RFTN1: variants seen among roughly 807,000 people sequenced by gnomAD.
RFTN1 encodes the protein raftlin.
RFTN1 carries 26 observed loss-of-function variants against 46.5 expected under a neutral mutation model. The observed-to-expected ratio is 0.56, with a 90% CI of 0.41 to 0.78. RFTN1 has a LOEUF of 0.78. RFTN1 is among the 30% of genes least tolerant of loss of function. The pLI, the probability that RFTN1 is intolerant of heterozygous loss-of-function variation, is 0.00. For synonymous variants in RFTN1, 261 were observed against 284.2 expected, an observed-to-expected ratio of 0.92 and a Z score of 0.82; for missense variants, 693 against 718.7, an observed-to-expected ratio of 0.96 and a Z score of 0.41.
At chr3:16,491,433 C>G (rs572079004) in intron 2 of RFTN1, among the ~76,000 whole-genome samples, 7 of 152,102 alleles carry the variant, frequency 4.6e-5, no homozygotes, top group African/African-American at 1.7e-4. Context: ...TGTAGGAGGA[C>G]GAGGGCAGGA....
chr3:16,488,339 T>C (rs531990125), intron 2 of RFTN1, among the ~76,000 whole-genome samples: 1 of 152,222 alleles, frequency 6.6e-6, no homozygotes, highest in Admixed American at 6.5e-5. Flanking sequence ...CCTCAGGTGA[T>C]CCCCCTGCCT....
rs1359030863 is a variant in RFTN1 at position 16,327,617 on chromosome 3, C to T, written c.1147-741G>A. ...TACTAAAAATACAAAAAAAATTAGC[C>T]AGGCCTGGTGGCGGGCGCCTGTAGT... On this transcript the variant is annotated intron_variant, in intron 7 of 9. Transcript: ENST00000334133. This position sits in a 1 kb window ranked among gnomAD's most constrained non-coding sequence, Gnocchi z 4.2. 1.3e-5 allele frequency among the ~76,000 whole-genome samples: 2 copies of T among 151,994 alleles called. No individual in the cohort carries two copies. Among genetic ancestry groups the T allele is most frequent in the Admixed American group, 6.6e-5 (1 of 15,262 alleles).
In RFTN1 at chr3:16,484,568, G is replaced by T. The variant is rs1347242536; in HGVS notation, c.145+9157C>A. On this transcript the variant is annotated intron_variant, in intron 2 of 9. Coordinates refer to ENST00000334133, the MANE Select transcript of RFTN1 (RefSeq NM_015150.2). The surrounding 1 kb of genome is among the most constrained non-coding windows in gnomAD (Gnocchi z 4.6). ...AATGCAGCAGTGTGGAATGATCCTCGAAATTGTAATGCGTGTCATGGGAAT... is the reference window on the plus strand; with the variant it reads ...AATGCAGCAGTGTGGAATGATCCTCTAAATTGTAATGCGTGTCATGGGAAT... 6.6e-6 allele frequency: 1 copy of T among 152,326 alleles called. No homozygotes were observed. Among genetic ancestry groups the T allele is most frequent in the East Asian group, 1.9e-4 (1 of 5,192 alleles). 9.4% of individuals were successfully genotyped at this position (152,326 alleles called of 1,614,324 possible). A position where few individuals can be genotyped will look rare whatever the true frequency, so the allele number is the denominator to read the frequency against.
chr3:16,414,145 T>C (rs2075026379), intron 3 of RFTN1, among the ~76,000 whole-genome samples: 1 of 152,160 alleles, frequency 6.6e-6, no homozygotes, highest in African/African-American at 2.4e-5. Flanking sequence ...ACTACTACTG[T>C]GTCAGGTACT....
chr3:16,497,967 C>T (rs961594008), intron 1 of RFTN1, among the ~76,000 whole-genome samples: 3 of 151,878 alleles, frequency 2.0e-5, no homozygotes, highest in African/African-American at 7.3e-5. Flanking sequence ...AGAAGAGTAC[C>T]AAGAAGCATT....
In RFTN1 at chr3:16,337,058, G is replaced by C. The variant is rs552641472; in HGVS notation, c.1147-10182C>G. 1.3e-5 allele frequency: 2 copies of C among 152,234 alleles called. No homozygotes were observed. The highest frequency in any genetic ancestry group is 2.9e-5 in the Non-Finnish European group (2 of 68,042). The allele number at this position is 152,234 out of a possible 1,614,324, so 9.4% of individuals were successfully genotyped here. On this transcript the variant is annotated intron_variant, in intron 7 of 9. Transcript: ENST00000334133. The surrounding 1 kb of genome is among the most constrained non-coding windows in gnomAD (Gnocchi z 5.0). ...TAGGATATGGCAGATGTGACATTAC[G>C]GTCATCCTGAACCTAGGCCTCAAGG...
At chr3:16,357,226 A>G (rs996937857) in intron 7 of RFTN1, among the ~76,000 whole-genome samples, 5 of 152,206 alleles carry the variant, frequency 3.3e-5, no homozygotes, top group Non-Finnish European at 7.3e-5. Flanking sequence ...TGTGTGTACA[A>G]GAGACTAGGC....
intron 7 of RFTN1, chr3:16,347,455 C>A (rs1015368680): frequency 6.6e-6 from 1 of 152,212 alleles, no homozygotes; most frequent in Non-Finnish European, 1.5e-5. Context: ...GGGGGAGAAT[C>A]CGCTCATTGT....
At chr3:16,401,310 T>G (rs2074595518) in intron 4 of RFTN1, among the ~76,000 whole-genome samples, 2 of 125,736 alleles carry the variant, frequency 1.6e-5, no homozygotes, top group Non-Finnish European at 3.2e-5. Context: ...GGCAACGGAA[T>G]GAAGCCGTGT....
chr3:16,482,919 C>T (rs1025578139), intron 2 of RFTN1: 5 of 1,231,494 alleles, frequency 4.1e-6, no homozygotes, highest in Non-Finnish European at 5.7e-6. Flanking sequence ...GAAAGTCCCG[C>T]CCCACCCAAC....
chr3:16,357,895 TA>T, intron 7 of RFTN1, 36 bp downstream of exon 7: 2 of 1,313,564 alleles, frequency 1.5e-6, no homozygotes, highest in Non-Finnish European at 2.2e-6. Context: ...AAGTGCTGTC[TA>T]AACAAAAGAA....
chr3:16,496,237 T>C (rs1056553383), intron 1 of RFTN1, among the ~76,000 whole-genome samples: 1 of 152,266 alleles, frequency 6.6e-6, no homozygotes, highest in Non-Finnish European at 1.5e-5. Flanking sequence ...GCTTTCAAGC[T>C]GCCAAACATG....
At chr3:16,419,781 G>T (rs1442559575) in intron 3 of RFTN1, among the ~76,000 whole-genome samples, 1 of 152,138 alleles carries the variant, frequency 6.6e-6, no homozygotes, top group Admixed American at 6.5e-5. Flanking sequence ...TTGTGAAGTA[G>T]GAAGCACAAC....
intron 2 of RFTN1, among the ~76,000 whole-genome samples, chr3:16,456,403 T>C (rs2075906429): frequency 6.6e-6 from 1 of 152,206 alleles, no homozygotes; most frequent in Admixed American, 6.5e-5. Context: ...TCCTAAAAGA[T>C]GAGAGGAAAC....
rs550567355 is a variant in RFTN1 at position 16,460,026 on chromosome 3, T to C, written c.146-25989A>G. Among the ~76,000 whole-genome samples, 92 of 152,350 alleles carry C rather than the reference T, an allele frequency of 6.0e-4. No individual in the cohort carries two copies. The highest frequency in any genetic ancestry group is 1.1e-3 in the Non-Finnish European group (78 of 68,038). On this transcript the variant is annotated intron_variant, in intron 2 of 9. Coordinates refer to ENST00000334133, the MANE Select transcript of RFTN1 (RefSeq NM_015150.2). This position sits in a 1 kb window ranked among gnomAD's most constrained non-coding sequence, Gnocchi z 4.8. ...GATTGACTTATTTCAATGCTTTGAG[T>C]GGGCATAGCTTTATTCTAAATTTTT...
chr3:16,510,311 C>T (rs185362645), intron 1 of RFTN1, among the ~76,000 whole-genome samples: 108 of 152,306 alleles, frequency 7.1e-4, no homozygotes, highest in African/African-American at 2.1e-3. Context: ...AGAAATCCCC[C>T]GGGAGTTTCT....
chr3:16,374,885 C>T lies in RFTN1; in HGVS notation c.826+2833G>A, dbSNP rs1443774930. Among the ~76,000 whole-genome samples, 5 of 152,146 alleles carry T rather than the reference C, an allele frequency of 3.3e-5. No homozygotes were observed. The highest frequency in any genetic ancestry group is 9.7e-5 in the African/African-American group (4 of 41,444). On this transcript the variant is annotated intron_variant, in intron 5 of 9. Coordinates refer to ENST00000334133, the MANE Select transcript of RFTN1 (RefSeq NM_015150.2). This position sits in a 1 kb window ranked among gnomAD's most constrained non-coding sequence, Gnocchi z 5.4. The stretch of plus-strand genomic sequence containing the variant: ...CCAAGAACCTGCAGGGGCAAGGAGG[C>T]GTGACGGCTGCACCGAGCCCGCAGA...
Position 16,356,152 on chromosome 3 carries a change from T to C in RFTN1, c.1146+1780A>G, listed in dbSNP as rs557706354. Among the ~76,000 whole-genome samples the C allele has an allele frequency of 6.6e-6, 1 of 152,210 alleles. No individual in the cohort carries two copies. Among genetic ancestry groups the C allele is most frequent in the Non-Finnish European group, 1.5e-5 (1 of 68,036 alleles). ...CCATGTGACCTGCCCAGCTTACAAGTTGAGGAAGGACAGGGTCCTGAGAGG... is the reference window on the plus strand; with the variant it reads ...CCATGTGACCTGCCCAGCTTACAAGCTGAGGAAGGACAGGGTCCTGAGAGG... On this transcript the variant is annotated intron_variant, in intron 7 of 9. Coordinates refer to ENST00000334133, the MANE Select transcript of RFTN1 (RefSeq NM_015150.2). The surrounding 1 kb of genome is among the most constrained non-coding windows in gnomAD (Gnocchi z 4.9).
At chr3:16,461,338 T>G (rs1319097952) in intron 2 of RFTN1, among the ~76,000 whole-genome samples, 3 of 152,234 alleles carry the variant, frequency 2.0e-5, no homozygotes, top group African/African-American at 4.8e-5. Context: ...ATATATTTCT[T>G]TAAAACTCTT....
Sources: allele counts gnomAD v4.1 joint callset (sites outside exome capture counted in the v4.1 genomes callset), GRCh38; gene constraint gnomAD v4.1.1; non-coding constraint Gnocchi (gnomAD v3.1); transcripts MANE v1.5; gene names NCBI Gene and HGNC (gene_info 2026-07-23, HGNC 2026-07-21).